Variants in EGFLAM observed in about 807,000 individuals in gnomAD.
The protein encoded by EGFLAM is pikachurin.
EGFLAM carries 79 observed loss-of-function variants against 113.1 expected under a neutral mutation model. That is an observed-to-expected ratio of 0.70 (90% CI 0.58 to 0.84). The LOEUF is 0.84. Ranked by LOEUF, EGFLAM falls within the 40% of genes least tolerant of loss-of-function variation. EGFLAM has a pLI of 0.00. For synonymous variants in EGFLAM, 504 were observed against 487.6 expected (o/e 1.03, Z -0.44); for missense variants, 1,265 against 1,291.6 (o/e 0.98, Z 0.32).
chr5:38,446,997 T>G (rs535818798), intron 17 of EGFLAM, among the ~76,000 whole-genome samples: 2 of 152,298 alleles, frequency 1.3e-5, no homozygotes, highest in Admixed American at 1.3e-4. Flanking sequence ...TTTATAAACC[T>G]TCTTATTCTC....
intron 6 of EGFLAM, among the ~76,000 whole-genome samples, chr5:38,378,341 GC>G (rs1322573400): frequency 6.6e-6 from 1 of 152,122 alleles, no homozygotes; most frequent in Non-Finnish European, 1.5e-5. Context: ...GTTTTTCATT[GC>G]CCATCTGCCT....
chr5:38,344,898 A>G (rs1382124268), intron 3 of EGFLAM, among the ~76,000 whole-genome samples: 3 of 152,234 alleles, frequency 2.0e-5, no homozygotes, highest in Non-Finnish European at 4.4e-5. Flanking sequence ...GAATCTAGCC[A>G]TAGGACCACA....
At chr5:38,451,575 C>T in intron 19 of EGFLAM, 117 bp downstream of exon 19, 1 of 1,430,152 alleles carries the variant, frequency 7.0e-7, no homozygotes, top group Non-Finnish European at 9.4e-7. Context: ...TGGCTGAAGC[C>T]TGAAGCTTCA....
intron 1 of EGFLAM, among the ~76,000 whole-genome samples, chr5:38,327,687 C>G (rs779083619): frequency 6.6e-6 from 1 of 152,080 alleles, no homozygotes; most frequent in Non-Finnish European, 1.5e-5. Context: ...GCCTATCCAC[C>G]TTATACCAAT....
chr5:38,422,903 T>C (rs148928072), intron 12 of EGFLAM, among the ~76,000 whole-genome samples: 78 of 152,316 alleles, frequency 5.1e-4, no homozygotes, highest in African/African-American at 1.8e-3. Flanking sequence ...ACAGAGCCCC[T>C]GCTGTGGCTT....
intron 5 of EGFLAM, among the ~76,000 whole-genome samples, chr5:38,368,882 T>C (rs1740135700): frequency 6.6e-6 from 1 of 152,062 alleles, no homozygotes; most frequent in African/African-American, 2.4e-5. Context: ...AGGTGGAGTG[T>C]TTAATATTAG....
At chr5:38,421,962 G>A (rs1741838291) in intron 12 of EGFLAM, among the ~76,000 whole-genome samples, 1 of 152,140 alleles carries the variant, frequency 6.6e-6, no homozygotes, top group African/African-American at 2.4e-5. Flanking sequence ...ACCAGCTGAG[G>A]TCTATTGCAG....
intron 14 of EGFLAM, 144 bp downstream of exon 14, chr5:38,427,396 C>T: frequency 1.4e-6 from 2 of 1,390,836 alleles, no homozygotes; most frequent in South Asian, 1.4e-5. Context: ...CCTGACTTGT[C>T]CTGCTTCAGG....
chr5:38,409,115 C>G lies in EGFLAM; in HGVS notation c.1349+11C>G, dbSNP rs373390189. On this transcript the variant is annotated intron_variant, in intron 10 of 21. Coordinates refer to ENST00000322350, the MANE Select transcript of EGFLAM (RefSeq NM_152403.4). ...CTCCCTGCAGTTCAGGTAATTCCTG[C>G]CAAAAGCCTCACACTCTTTTTTTGT... The G allele has an allele frequency of 6.5e-7, 1 of 1,548,686 alleles. No individual in the cohort carries two copies. The highest frequency in any genetic ancestry group is 2.4e-5 in the East Asian group (1 of 42,044).
intron 1 of EGFLAM, among the ~76,000 whole-genome samples, chr5:38,324,213 T>C (rs1200772322): frequency 6.6e-6 from 1 of 152,210 alleles, no homozygotes; most frequent in Non-Finnish European, 1.5e-5. Context: ...CAGTTGGGAC[T>C]ATGTCCTAAT....
At chr5:38,432,564 C>T (rs550551603) in intron 15 of EGFLAM, among the ~76,000 whole-genome samples, 1 of 152,208 alleles carries the variant, frequency 6.6e-6, no homozygotes, top group Non-Finnish European at 1.5e-5. Context: ...ACCAGAGTCA[C>T]TTCTGGTGCA....
rs1250432655 is a variant in EGFLAM, at chr5:38,406,948, C to T, written c.949C>T (p.Pro317Ser). The T allele has an allele frequency of 6.2e-7, 1 of 1,614,064 alleles. No individual in the cohort carries two copies. The highest frequency in any genetic ancestry group is 1.3e-5 in the African/African-American group (1 of 74,918). The change falls in exon 8 of 22, where the codon CCT becomes TCT. Residue 317 changes from proline (P) to serine (S), a missense_variant. Pro to Ser is a moderately conservative substitution (Grantham distance 74). Coordinates refer to ENST00000322350, the MANE Select transcript of EGFLAM (RefSeq NM_152403.4). ...CATCCCCCCTACCTCAGCATCTCTC[C>T]CTGTGACCACGGTGGCTCCCCAGCC... is the stretch of plus-strand genomic sequence containing the variant. ...RLIPPTSASLPVTTVAPQPIP... is the reference protein window; with the variant it reads ...RLIPPTSASLSVTTVAPQPIP...
chr5:38,282,012 G>A (rs997142484), intron 1 of EGFLAM, among the ~76,000 whole-genome samples: 1 of 152,140 alleles, frequency 6.6e-6, no homozygotes, highest in African/African-American at 2.4e-5. Context: ...ACTTTAGTGA[G>A]TTTTACCTAA....
rs577119306 is a variant in EGFLAM at position 38,368,805 on chromosome 5, T to G, written c.546-1491T>G. Reference sequence around the variant, plus strand: ...AGTGGGCCTCACCATTTATCAGCTATGTGACCTTGGGCAAGTTACTTACCT... The same window carrying G: ...AGTGGGCCTCACCATTTATCAGCTAGGTGACCTTGGGCAAGTTACTTACCT... On this transcript the variant is annotated intron_variant, in intron 5 of 21. Transcript: ENST00000322350. Among the ~76,000 whole-genome samples the G allele has an allele frequency of 2.6e-5, 4 of 152,184 alleles. No individual in the cohort carries two copies. In the East Asian group the frequency reaches 5.8e-4, roughly 22 times the overall value.
At chr5:38,409,768 G>A (rs1741417125) in intron 10 of EGFLAM, among the ~76,000 whole-genome samples, 1 of 152,114 alleles carries the variant, frequency 6.6e-6, no homozygotes, top group Admixed American at 6.5e-5. Context: ...TCTTCCTCTG[G>A]GCTGTGCTGG....
intron 1 of EGFLAM, among the ~76,000 whole-genome samples, chr5:38,324,931 C>A (rs539711221): frequency 6.6e-6 from 1 of 152,206 alleles, no homozygotes; most frequent in South Asian, 2.1e-4. Flanking sequence ...ATGCCACCTA[C>A]CAGGGTTACA....
At chr5:38,278,463 A>T (rs1213726258) in intron 1 of EGFLAM, among the ~76,000 whole-genome samples, 1 of 151,988 alleles carries the variant, frequency 6.6e-6, no homozygotes, top group Non-Finnish European at 1.5e-5. Context: ...ATAGGCAAAG[A>T]GCTCTATAAC....
At chr5:38,347,078 G>A (rs977624326) in intron 3 of EGFLAM, among the ~76,000 whole-genome samples, 1 of 152,148 alleles carries the variant, frequency 6.6e-6, no homozygotes, top group African/African-American at 2.4e-5. Flanking sequence ...GCATGGTGGG[G>A]TGGCTGGAGG....
At chr5:38,328,123 G>A (rs573479687) in intron 1 of EGFLAM, among the ~76,000 whole-genome samples, 4 of 152,322 alleles carry the variant, frequency 2.6e-5, no homozygotes, top group Admixed American at 1.3e-4. Flanking sequence ...TCTGCAGGCT[G>A]TGCAAGAAGC....
Sources: allele counts gnomAD v4.1 joint callset (sites outside exome capture counted in the v4.1 genomes callset), GRCh38; gene constraint gnomAD v4.1.1; transcripts MANE v1.5; gene names NCBI Gene and HGNC (gene_info 2026-07-23, HGNC 2026-07-21).